NR1H4: variants seen among roughly 807,000 people sequenced by gnomAD.
NR1H4 encodes the protein bile acid receptor.
NR1H4 carries 23 observed loss-of-function variants against 58.5 expected under a neutral mutation model. The observed-to-expected ratio is 0.39, with a 90% CI of 0.28 to 0.56. The LOEUF (loss-of-function observed/expected upper bound fraction) is 0.56, where lower values mean the gene tolerates loss of function less well. Among genes scored for constraint, NR1H4 ranks in the 20% least tolerant of loss-of-function variants. The pLI is 0.58. For synonymous variants in NR1H4, 214 were observed against 198.0 expected, an observed-to-expected ratio of 1.08 and a Z score of -0.68; for missense variants, 487 against 576.9, an observed-to-expected ratio of 0.84 and a Z score of 1.60.
At chr12:100,534,402 A>G (rs1013900997) in intron 5 of NR1H4, among the ~76,000 whole-genome samples, 1 of 152,224 alleles carries the variant, frequency 6.6e-6, no homozygotes, top group African/African-American at 2.4e-5. Flanking sequence ...GTGAAATTCA[A>G]TATCCTTCTT....
intron 1 of NR1H4, among the ~76,000 whole-genome samples, chr12:100,480,199 G>A (rs1953349867): frequency 6.6e-6 from 1 of 152,118 alleles, no homozygotes; most frequent in Admixed American, 6.5e-5. Context: ...TAGCTCTGTT[G>A]TAGCAATCCT....
rs1175611029 is a variant in NR1H4, at chr12:100,549,193, CCGG to C, written c.1078+8376_1078+8378del. Among the ~76,000 whole-genome samples the C allele has an allele frequency of 7.2e-5, 11 of 152,202 alleles. No homozygotes were observed. The East Asian group carries it at 9.7e-4, about 13-fold the overall frequency. On this transcript the variant is annotated intron_variant, in intron 9 of 10. Coordinates refer to ENST00000392986, the MANE Select transcript of NR1H4 (RefSeq NM_001206979.2). ...CCCTACTAAAAATACAAAAAATTAG[CCGG>C]GCATGGTGGCATGTGCCGGTAGTCC...
chr12:100,508,036 G>T (rs1403050388), intron 3 of NR1H4, among the ~76,000 whole-genome samples: 1 of 152,062 alleles, frequency 6.6e-6, no homozygotes, highest in East Asian at 1.9e-4. Context: ...CAGATGAACA[G>T]AGGGAGGCCC....
chr12:100,510,660 T>C (rs1954086196), intron 3 of NR1H4, 118 bp from the exon 4 acceptor site: 2 of 751,916 alleles, frequency 2.7e-6, no homozygotes, highest in Non-Finnish European at 4.5e-6. Flanking sequence ...TAAACTTTTA[T>C]GTAGTTAAAT....
At chr12:100,528,608 G>A (rs1954619139) in intron 4 of NR1H4, among the ~76,000 whole-genome samples, 1 of 152,154 alleles carries the variant, frequency 6.6e-6, no homozygotes, top group African/African-American at 2.4e-5. Context: ...TATGAGCATT[G>A]TTGAATATGC....
At chr12:100,492,961 A>G (rs1566431456) in intron 2 of NR1H4, among the ~76,000 whole-genome samples, 1 of 152,124 alleles carries the variant, frequency 6.6e-6, no homozygotes, top group African/African-American at 2.4e-5. Context: ...TCTAATAAAG[A>G]CATAGTCAAA....
Position 100,510,955 on chromosome 12 carries a change from A to G in NR1H4, c.257A>G (p.Tyr86Cys). The change falls in exon 4 of 11, where the codon TAT (tyrosine) becomes TGT (cysteine). Residue 86 changes from tyrosine to cysteine, a missense_variant. Tyr to Cys is a radical substitution (Grantham distance 194). Transcript: ENST00000392986. The stretch of plus-strand genomic sequence containing the variant: ...GAAGAGTGGTACTCTCCTGGAATAT[A>G]TGAACTCAGGCGTATGCCAGCTGAG... ...QPEEWYSPGI[Y>C]ELRRMPAETL... The G allele has an allele frequency of 6.2e-7, 1 of 1,614,218 alleles. No individual in the cohort carries two copies. Among genetic ancestry groups the G allele is most frequent in the Non-Finnish European group, 8.5e-7 (1 of 1,180,042 alleles).
At chr12:100,532,958 TA>T (rs1954730748) in intron 5 of NR1H4, among the ~76,000 whole-genome samples, 1 of 152,206 alleles carries the variant, frequency 6.6e-6, no homozygotes, top group Non-Finnish European at 1.5e-5. Flanking sequence ...ATTTATTGCT[TA>T]ATTAGCATAC....
At chr12:100,506,042 C>CACACACACACACACAG (rs1491443606) in intron 3 of NR1H4, among the ~76,000 whole-genome samples, 2 of 117,448 alleles carry the variant, frequency 1.7e-5, no homozygotes, top group African/African-American at 7.0e-5. Context: ...CACACACACA[C>CACACACACACACACAG]AGAGAGAGAG....
intron 1 of NR1H4, among the ~76,000 whole-genome samples, chr12:100,481,396 A>C (rs901121465): frequency 6.6e-6 from 1 of 152,244 alleles, no homozygotes; most frequent in East Asian, 1.9e-4. Context: ...GAACATTAAG[A>C]AGACCAAACA....
At chr12:100,535,128 A>T in intron 6 of NR1H4, 105 bp downstream of exon 6, 4 of 1,253,530 alleles carry the variant, frequency 3.2e-6, no homozygotes, top group Non-Finnish European at 1.2e-6. Flanking sequence ...GGCACAGCTG[A>T]ATTTCTAGTC....
chr12:100,491,419 G>A (rs747805912), intron 1 of NR1H4, among the ~76,000 whole-genome samples: 1 of 150,898 alleles, frequency 6.6e-6, no homozygotes, highest in Non-Finnish European at 1.5e-5. Flanking sequence ...TGCATTGGAC[G>A]GATCTGCCTT....
chr12:100,545,366 A>T (rs1278503207), intron 9 of NR1H4, among the ~76,000 whole-genome samples: 1 of 152,090 alleles, frequency 6.6e-6, no homozygotes, highest in Non-Finnish European at 1.5e-5. Flanking sequence ...AAGGCTGAGC[A>T]TGCTGACTCA....
At chr12:100,497,956 C>T (rs771097707) in intron 3 of NR1H4, among the ~76,000 whole-genome samples, 10 of 152,106 alleles carry the variant, frequency 6.6e-5, no homozygotes, top group Non-Finnish European at 1.5e-4. Context: ...CAGTCTTATC[C>T]TCCCACACCC....
chr12:100,490,710 C>T (rs1019843714), intron 1 of NR1H4, among the ~76,000 whole-genome samples: 1 of 152,082 alleles, frequency 6.6e-6, no homozygotes. Flanking sequence ...TATCCTTATA[C>T]AATTGATATG....
intron 4 of NR1H4, among the ~76,000 whole-genome samples, chr12:100,513,317 T>C (rs975229641): frequency 6.6e-6 from 1 of 151,120 alleles, no homozygotes. Flanking sequence ...CACATTAAAA[T>C]TTTTTTTTAC....
chr12:100,553,582 C>A (rs2136298764), intron 9 of NR1H4, among the ~76,000 whole-genome samples: 1 of 152,138 alleles, frequency 6.6e-6, no homozygotes, highest in East Asian at 1.9e-4. Flanking sequence ...ATGCTCTTGG[C>A]CGATAGCTAC....
At chr12:100,540,958 T>G (rs538146903) in intron 9 of NR1H4, 140 bp downstream of exon 9, 1 of 824,718 alleles carries the variant, frequency 1.2e-6, no homozygotes, top group South Asian at 1.5e-5. Context: ...TAAAAAGATA[T>G]GTGTTAAATT....
Position 100,560,369 on chromosome 12 carries a change from CTT to C in NR1H4, c.1079-1514_1079-1513del, listed in dbSNP as rs530233245. ...GCAATAACTCTTGCTACTGCTCACT[CTT>C]TGGGTCCACGCTGCTTTTATGAGTT... On this transcript the variant is annotated intron_variant, in intron 9 of 10. Coordinates refer to ENST00000392986, the MANE Select transcript of NR1H4 (RefSeq NM_001206979.2). Among the ~76,000 whole-genome samples the C allele has an allele frequency of 4.4e-3, 662 of 151,036 alleles. 4 individuals are homozygous for C. Among genetic ancestry groups the C allele is most frequent in the African/African-American group, 0.015 (627 of 41,392 alleles).
Sources: allele counts gnomAD v4.1 joint callset (sites outside exome capture counted in the v4.1 genomes callset), GRCh38; gene constraint gnomAD v4.1.1; transcripts MANE v1.5; gene names NCBI Gene and HGNC (gene_info 2026-07-23, HGNC 2026-07-21).